Variants in CADM2 observed in about 807,000 individuals in gnomAD.
CADM2 encodes the protein cell adhesion molecule 2.
In CADM2, 12 loss-of-function variants were observed where a neutral mutation model predicts 49.8. The ratio of observed to expected loss-of-function variants is 0.24; its 90% CI spans 0.15 to 0.39. The LOEUF is 0.39. CADM2 is among the 10% of genes least tolerant of loss of function. The probability of loss-of-function intolerance (pLI) is 1.00; values close to 1 mark genes in which losing one functional copy is unlikely to be tolerated. For missense variants in CADM2, 378 were observed against 492.3 expected (o/e 0.77, Z 2.20); for synonymous variants, 214 against 175.4 (o/e 1.22, Z -1.74).
intron 1 of CADM2, among the ~76,000 whole-genome samples, chr3:85,432,026 A>C (rs2036703893): frequency 6.7e-6 from 1 of 150,106 alleles, no homozygotes; most frequent in African/African-American, 2.4e-5. Context: ...GAATGGAAAT[A>C]AAACAGTGCC....
At chr3:85,877,173 C>T (rs1577540942) in intron 3 of CADM2, among the ~76,000 whole-genome samples, 1 of 152,072 alleles carries the variant, frequency 6.6e-6, no homozygotes, top group African/African-American at 2.4e-5. Flanking sequence ...CTCAAAGTGG[C>T]CTACTTAACC....
chr3:85,093,352 A>G (rs2037672420), intron 1 of CADM2, among the ~76,000 whole-genome samples: 1 of 151,958 alleles, frequency 6.6e-6, no homozygotes, highest in Non-Finnish European at 1.5e-5. Context: ...CTCTACTAAA[A>G]CTACAAAAAT....
intron 5 of CADM2, among the ~76,000 whole-genome samples, chr3:85,895,325 T>C (rs1715076998): frequency 6.6e-6 from 1 of 152,254 alleles, no homozygotes; most frequent in African/African-American, 2.4e-5. Context: ...AAGATTTGGC[T>C]GTCCTGCCAG....
chr3:85,680,283 G>T (rs138433999), intron 1 of CADM2, among the ~76,000 whole-genome samples: 3 of 151,938 alleles, frequency 2.0e-5, no homozygotes, highest in African/African-American at 7.2e-5. Flanking sequence ...TTAATTAAAG[G>T]TTAAAAGAAT....
rs190380768 is a variant in CADM2 at position 85,368,919 on chromosome 3, G to A, written c.62-357603G>A. On this transcript the variant is annotated intron_variant, in intron 1 of 9. Transcript: ENST00000383699. ...TTGAGGATGTAGTACAATCCCTATTGCCAGTCCAACTCCATCAGGATAAAG... is the reference window on the plus strand; with the variant it reads ...TTGAGGATGTAGTACAATCCCTATTACCAGTCCAACTCCATCAGGATAAAG... Among the ~76,000 whole-genome samples the A allele has an allele frequency of 2.1e-3, 327 of 152,120 alleles. 1 individual carries two copies. The highest frequency in any genetic ancestry group is 7.3e-3 in the African/African-American group (301 of 41,500).
At chr3:85,684,729 C>T (rs1424085147) in intron 1 of CADM2, among the ~76,000 whole-genome samples, 2 of 152,218 alleles carry the variant, frequency 1.3e-5, no homozygotes, top group African/African-American at 4.8e-5. Context: ...AGGGGAAACC[C>T]CTTATAAAAT....
In CADM2 at chr3:86,049,281, AT is replaced by A. The variant is rs1307469667; in HGVS notation, c.971-16313del. Among the ~76,000 whole-genome samples the A allele has an allele frequency of 3.2e-4, 47 of 145,050 alleles. No individual in the cohort carries two copies. The East Asian group carries it at 3.4e-3, about 11-fold the overall frequency. On this transcript the variant is annotated intron_variant, in intron 8 of 9. Coordinates refer to ENST00000383699, the MANE Select transcript of CADM2 (RefSeq NM_001167675.2). Reference sequence around the variant, plus strand: ...TTATTTTATTTTATTTTTATTTTTTATTTTTTTTTTTGAGACAGAGTCTCAC... The same window carrying A: ...TTATTTTATTTTATTTTTATTTTTTATTTTTTTTTTGAGACAGAGTCTCAC...
chr3:85,810,721 G>A (rs910424689), intron 3 of CADM2, among the ~76,000 whole-genome samples: 4 of 151,700 alleles, frequency 2.6e-5, no homozygotes, highest in Non-Finnish European at 5.9e-5. Flanking sequence ...TGTATTTTTA[G>A]TAGAGAAGAG....
intron 1 of CADM2, among the ~76,000 whole-genome samples, chr3:85,547,124 A>G (rs931906811): frequency 1.3e-5 from 2 of 152,106 alleles, no homozygotes; most frequent in African/African-American, 4.8e-5. Flanking sequence ...AATTATTGAA[A>G]TAATGAAAAT....
rs549165578 is a variant in CADM2 at position 85,656,509 on chromosome 3, G to A, written c.62-70013G>A. Among the ~76,000 whole-genome samples the A allele has an allele frequency of 4.6e-5, 7 of 152,038 alleles. No individual in the cohort carries two copies. In the South Asian group the frequency reaches 6.2e-4, roughly 14 times the overall value. ...CGTGCACCTGTAATCCCAACTACTC[G>A]GGAGGCTGAGGCAGGAGAATCACTT... On this transcript the variant is annotated intron_variant, in intron 1 of 9. Coordinates refer to ENST00000383699, the MANE Select transcript of CADM2 (RefSeq NM_001167675.2).
At chr3:85,507,188 T>A (rs2107678119) in intron 1 of CADM2, among the ~76,000 whole-genome samples, 1 of 151,100 alleles carries the variant, frequency 6.6e-6, no homozygotes, top group Non-Finnish European at 1.5e-5. Context: ...GTGTATTTTT[T>A]TTTTTTTTTT....
At chr3:85,965,887 C>T (rs1725412570) in intron 8 of CADM2, among the ~76,000 whole-genome samples, 1 of 151,556 alleles carries the variant, frequency 6.6e-6, no homozygotes, top group South Asian at 2.1e-4. Flanking sequence ...TATTTATCAT[C>T]AATTGATTAA....
In CADM2 at chr3:85,663,001, T is replaced by C. The variant is rs555763887; in HGVS notation, c.62-63521T>C. On this transcript the variant is annotated intron_variant, in intron 1 of 9. Transcript: ENST00000383699. The stretch of plus-strand genomic sequence containing the variant: ...CACATCTTAGAAATGGCACTAATAT[T>C]ACCTAGTTTTCGTAACTAGATATTT... Among the ~76,000 whole-genome samples, 15 of 152,152 alleles carry C rather than the reference T, an allele frequency of 9.9e-5. No individual in the cohort carries two copies. In the South Asian group the frequency reaches 2.7e-3, roughly 27 times the overall value.
At chr3:85,855,848 G>A (rs1188423009) in intron 3 of CADM2, among the ~76,000 whole-genome samples, 6 of 151,590 alleles carry the variant, frequency 4.0e-5, no homozygotes, top group Non-Finnish European at 5.9e-5. Flanking sequence ...GGATGGTCTC[G>A]ATCTCCTGAC....
intron 3 of CADM2, among the ~76,000 whole-genome samples, chr3:85,804,477 T>C (rs1310931847): frequency 6.6e-6 from 1 of 152,156 alleles, no homozygotes; most frequent in African/African-American, 2.4e-5. Flanking sequence ...ATTAGAACAT[T>C]TTTTGTTGTT....
intron 8 of CADM2, among the ~76,000 whole-genome samples, chr3:85,987,745 CTA>C (rs761184232): frequency 5.4e-5 from 8 of 147,938 alleles, no homozygotes; most frequent in Non-Finnish European, 7.5e-5. Flanking sequence ...ATTTCAGAAA[CTA>C]TGTTTCCTAT....
intron 1 of CADM2, among the ~76,000 whole-genome samples, chr3:85,191,355 GTAAAT>G (rs2041202542): frequency 6.6e-6 from 1 of 151,918 alleles, no homozygotes; most frequent in Non-Finnish European, 1.5e-5. Flanking sequence ...ATATGATATA[GTAAAT>G]TAAATATAAC....
At chr3:86,040,823 G>T (rs1012746319) in intron 8 of CADM2, among the ~76,000 whole-genome samples, 1 of 152,178 alleles carries the variant, frequency 6.6e-6, no homozygotes, top group Non-Finnish European at 1.5e-5. Context: ...GTTAAGGGCA[G>T]CCAGAGAGAA....
intron 5 of CADM2, among the ~76,000 whole-genome samples, chr3:85,911,964 C>G (rs1188114434): frequency 6.7e-6 from 1 of 148,742 alleles, no homozygotes; most frequent in African/African-American, 2.5e-5. Flanking sequence ...TTTTTTTAGA[C>G]AGAGTCTTGC....
Sources: allele counts gnomAD v4.1 joint callset (sites outside exome capture counted in the v4.1 genomes callset), GRCh38; gene constraint gnomAD v4.1.1; transcripts MANE v1.5; gene names NCBI Gene and HGNC (gene_info 2026-07-23, HGNC 2026-07-21).